The following AGBL4 variants were observed in gnomAD, a reference collection of about 807,000 sequenced individuals.
The protein encoded by AGBL4 is cytosolic carboxypeptidase 6.
In AGBL4, 58 loss-of-function variants were observed where a neutral mutation model predicts 66.4. The ratio of observed to expected loss-of-function variants is 0.87; its 90% CI spans 0.71 to 1.09. The LOEUF is 1.09. Ranked by LOEUF, AGBL4 falls within the 50% of genes least tolerant of loss-of-function variation. The probability of loss-of-function intolerance (pLI) is 0.00; values close to 1 mark genes in which losing one functional copy is unlikely to be tolerated. For missense variants in AGBL4, 579 were observed against 631.0 expected (o/e 0.92, Z 0.88); for synonymous variants, 234 against 222.9 (o/e 1.05, Z -0.44).
intron 3 of AGBL4, among the ~76,000 whole-genome samples, chr1:49,368,417 C>T (rs1487626995): frequency 6.6e-6 from 1 of 152,126 alleles, no homozygotes; most frequent in Non-Finnish European, 1.5e-5. Context: ...TTTATATGTA[C>T]AAAGCACTTT....
At chr1:49,748,410 T>C (rs1281022942) in intron 2 of AGBL4, among the ~76,000 whole-genome samples, 1 of 152,232 alleles carries the variant, frequency 6.6e-6, no homozygotes, top group Non-Finnish European at 1.5e-5. Context: ...CCAGTCATCA[T>C]TGATGGGCAT....
intron 3 of AGBL4, among the ~76,000 whole-genome samples, chr1:49,533,225 G>GCTATTT (rs1441029634): frequency 1.3e-5 from 2 of 152,032 alleles, no homozygotes; most frequent in Admixed American, 6.6e-5. Flanking sequence ...GGTAATCCAT[G>GCTATTT]TTTCTGCTAT....
chr1:48,537,063 A>G (rs1048825779), intron 12 of AGBL4, among the ~76,000 whole-genome samples: 2 of 152,218 alleles, frequency 1.3e-5, no homozygotes, highest in Non-Finnish European at 2.9e-5. Context: ...CAAAACATGT[A>G]ATTTTCCTTT....
intron 1 of AGBL4, among the ~76,000 whole-genome samples, chr1:49,924,816 C>T (rs1652600833): frequency 6.6e-6 from 1 of 152,126 alleles, no homozygotes; most frequent in Admixed American, 6.6e-5. Context: ...AGAGGAGCTT[C>T]CACCAATCGT....
chr1:49,554,900 G>A (rs1248671977), intron 3 of AGBL4, among the ~76,000 whole-genome samples: 1 of 152,076 alleles, frequency 6.6e-6, no homozygotes, highest in African/African-American at 2.4e-5. Context: ...CTTCTGGTGG[G>A]TTCGTGGTCT....
chr1:48,704,768 C>T (rs75431310), intron 6 of AGBL4, among the ~76,000 whole-genome samples: 11,554 of 152,204 alleles, frequency 0.076, 601 homozygotes, highest in Non-Finnish European at 0.12. Context: ...CCTGAAGGAC[C>T]TGCCTGAGGG....
At chr1:48,703,781 A>G (rs2148509328) in intron 6 of AGBL4, among the ~76,000 whole-genome samples, 1 of 152,242 alleles carries the variant, frequency 6.6e-6, no homozygotes, top group East Asian at 1.9e-4. Context: ...GTTATCAAGC[A>G]TTGAAGGGGA....
chr1:48,809,687 A>G (rs1646006787), intron 6 of AGBL4, among the ~76,000 whole-genome samples: 1 of 152,076 alleles, frequency 6.6e-6, no homozygotes, highest in Non-Finnish European at 1.5e-5. Context: ...AGGCTGTTCA[A>G]TTTCTCCAGG....
intron 1 of AGBL4, among the ~76,000 whole-genome samples, chr1:50,005,345 T>C (rs1661049745): frequency 2.0e-5 from 3 of 152,156 alleles, no homozygotes; most frequent in African/African-American, 7.2e-5. Flanking sequence ...GAGTTCTGCC[T>C]GGTAATCCAG....
chr1:49,996,610 G>A (rs1050781981), intron 1 of AGBL4, among the ~76,000 whole-genome samples: 3 of 152,130 alleles, frequency 2.0e-5, no homozygotes, highest in Non-Finnish European at 4.4e-5. Flanking sequence ...CAAGGAAGAA[G>A]AGAAATCTAA....
chr1:49,116,069 C>G (rs1377381332), intron 4 of AGBL4, among the ~76,000 whole-genome samples: 1 of 152,072 alleles, frequency 6.6e-6, no homozygotes, highest in East Asian at 1.9e-4. Flanking sequence ...ATTTGTATGT[C>G]TTTGAAAAAT....
At chr1:48,804,307 A>G (rs879258169) in intron 6 of AGBL4, among the ~76,000 whole-genome samples, 4 of 152,218 alleles carry the variant, frequency 2.6e-5, no homozygotes, top group Non-Finnish European at 5.9e-5. Context: ...TTGTCTGTAG[A>G]TAAAGCATGA....
At chr1:49,698,063 G>A (rs1258179907) in intron 2 of AGBL4, among the ~76,000 whole-genome samples, 1 of 152,046 alleles carries the variant, frequency 6.6e-6, no homozygotes, top group Non-Finnish European at 1.5e-5. Flanking sequence ...GTAAACTTAG[G>A]TGTTATCTCC....
chr1:48,614,054 T>G (rs930115443), intron 9 of AGBL4, among the ~76,000 whole-genome samples: 36 of 152,120 alleles, frequency 2.4e-4, no homozygotes, highest in Non-Finnish European at 7.4e-5. Context: ...AAACCAGGTG[T>G]CAAAGGTTTA....
At chr1:49,614,972 T>A (rs1432507457) in intron 3 of AGBL4, among the ~76,000 whole-genome samples, 2 of 152,144 alleles carry the variant, frequency 1.3e-5, no homozygotes, top group Non-Finnish European at 2.9e-5. Context: ...AAATGAGTGA[T>A]TTACACCATT....
chr1:48,957,621 C>T (rs371163784), intron 5 of AGBL4, among the ~76,000 whole-genome samples: 9 of 152,180 alleles, frequency 5.9e-5, no homozygotes, highest in African/African-American at 1.7e-4. Flanking sequence ...TCTTTCTGTG[C>T]GTTATCCACA....
chr1:48,676,597 G>C (rs1045280623), intron 6 of AGBL4, among the ~76,000 whole-genome samples: 2 of 152,216 alleles, frequency 1.3e-5, no homozygotes, highest in African/African-American at 4.8e-5. Flanking sequence ...AGAAATACCT[G>C]ATTAAGAACA....
chr1:48,581,438 A>G (rs897945990), intron 11 of AGBL4, among the ~76,000 whole-genome samples: 5 of 152,116 alleles, frequency 3.3e-5, no homozygotes, highest in Admixed American at 6.5e-5. Context: ...TCTGTTCCCA[A>G]TGTTTTTCTC....
intron 3 of AGBL4, among the ~76,000 whole-genome samples, chr1:49,552,426 G>A (rs561665555): frequency 2.0e-5 from 3 of 152,152 alleles, no homozygotes; most frequent in Non-Finnish European, 4.4e-5. Flanking sequence ...AGTCCCTGTG[G>A]TGCCAGACAG....
Sources: allele counts gnomAD v4.1 joint callset (sites outside exome capture counted in the v4.1 genomes callset), GRCh38; gene constraint gnomAD v4.1.1; transcripts MANE v1.5; gene names NCBI Gene and HGNC (gene_info 2026-07-23, HGNC 2026-07-21).